Variants in SPATS2 observed in about 807,000 individuals in gnomAD.
The protein encoded by SPATS2 is spermatogenesis associated serine rich 2, also known as spermatogenesis-associated serine-rich protein 2.
A neutral mutation model predicts 63.7 loss-of-function variants in SPATS2; 38 were observed. The observed-to-expected ratio is 0.60, with a 90% CI of 0.46 to 0.78. The LOEUF is 0.78. SPATS2 is among the 30% of genes least tolerant of loss of function. SPATS2 has a pLI of 0.00. For synonymous variants in SPATS2, 207 were observed against 232.9 expected, an observed-to-expected ratio of 0.89 and a Z score of 1.01; for missense variants, 588 against 666.2, an observed-to-expected ratio of 0.88 and a Z score of 1.29.
chr12:49,370,390 G>A (rs1248088267), intron 1 of SPATS2, among the ~76,000 whole-genome samples: 4 of 152,144 alleles, frequency 2.6e-5, no homozygotes, highest in Non-Finnish European at 5.9e-5. Context: ...ATTGGAAACT[G>A]GAAGGAAAAG....
At chr12:49,513,052 C>A in intron 9 of SPATS2, 1 of 560,392 alleles carries the variant, frequency 1.8e-6, no homozygotes, top group Non-Finnish European at 2.8e-6. Context: ...ATTATCAAAC[C>A]TATGTTCTCT....
chr12:49,405,419 T>C (rs114973449), intron 2 of SPATS2, among the ~76,000 whole-genome samples: 2,247 of 152,274 alleles, frequency 0.015, 58 homozygotes, highest in African/African-American at 0.052. Context: ...GAGCTTGGGC[T>C]GGGCACCGTG....
At chr12:49,393,993 C>A (rs908259287) in intron 2 of SPATS2, among the ~76,000 whole-genome samples, 15 of 152,154 alleles carry the variant, frequency 9.9e-5, no homozygotes, top group Non-Finnish European at 2.2e-4. Context: ...AGCCCTACAA[C>A]TTCTTTTTCA....
At chr12:49,408,226 C>T (rs1311124980) in intron 2 of SPATS2, among the ~76,000 whole-genome samples, 5 of 151,798 alleles carry the variant, frequency 3.3e-5, no homozygotes, top group African/African-American at 1.2e-4. Flanking sequence ...GAAGGCCACA[C>T]CTAATTTGGA....
chr12:49,467,618 T>A (rs188820104), intron 3 of SPATS2, among the ~76,000 whole-genome samples: 42 of 152,372 alleles, frequency 2.8e-4, no homozygotes, highest in African/African-American at 7.7e-4. Flanking sequence ...TTTTCTCCTG[T>A]ATCTGACTAT....
intron 13 of SPATS2, 85 bp downstream of exon 13, chr12:49,524,981 C>T: frequency 7.5e-7 from 1 of 1,329,912 alleles, no homozygotes; most frequent in Non-Finnish European, 1.0e-6. Context: ...AGTATATTAT[C>T]TTCCTCTCTA....
intron 2 of SPATS2, among the ~76,000 whole-genome samples, chr12:49,410,882 A>G (rs1047830315): frequency 2.6e-5 from 4 of 151,480 alleles, no homozygotes; most frequent in Admixed American, 1.3e-4. Context: ...TCAAATATCT[A>G]TTCTTTAATG....
intron 2 of SPATS2, among the ~76,000 whole-genome samples, chr12:49,447,089 C>T (rs777913281): frequency 8.7e-5 from 13 of 149,332 alleles, no homozygotes; most frequent in South Asian, 4.2e-4. Context: ...CCACCATGCC[C>T]GGCTAAGTTT....
At chr12:49,494,569 A>G (rs1341693143) in intron 6 of SPATS2, among the ~76,000 whole-genome samples, 172 bp from the exon 7 acceptor site, 1 of 152,168 alleles carries the variant, frequency 6.6e-6, no homozygotes, top group Non-Finnish European at 1.5e-5. Flanking sequence ...TTCACATAGT[A>G]AAATTTTATT....
intron 2 of SPATS2, among the ~76,000 whole-genome samples, chr12:49,420,623 G>T (rs993308285): frequency 6.6e-6 from 1 of 152,094 alleles, no homozygotes; most frequent in Non-Finnish European, 1.5e-5. Flanking sequence ...ATGAACACAT[G>T]TAAAAGATGT....
rs531378354 is a variant in SPATS2 at position 49,433,284 on chromosome 12, T to A, written c.-243-27486T>A. 1.5e-3 allele frequency among the ~76,000 whole-genome samples: 230 copies of A among 152,292 alleles called. 1 individual carries two copies. The Middle Eastern group carries it at 0.017, about 11-fold the overall frequency. ...TTCAAGCGATTCTCCTGCTTCAGGC[T>A]CCCGAGTAGCTGGGACTACAGGTGT... On this transcript the variant is annotated intron_variant, in intron 2 of 13. Transcript: ENST00000552918.
At chr12:49,436,714 G>A (rs1467876582) in intron 2 of SPATS2, among the ~76,000 whole-genome samples, 1 of 144,512 alleles carries the variant, frequency 6.9e-6, no homozygotes, top group African/African-American at 2.6e-5. Flanking sequence ...CCCGGATGGG[G>A]CGGCTGGCCG....
rs1042985233 is a variant in SPATS2, at chr12:49,446,490, G to A, written c.-243-14280G>A. ...TGTTGGCAGAATGCAGTTCCATGTG[G>A]CTGTAGGACTGAGGTTCCCAGTTCC... On this transcript the variant is annotated intron_variant, in intron 2 of 13. Transcript: ENST00000552918. Among the ~76,000 whole-genome samples, 19 of 152,184 alleles carry A rather than the reference G, an allele frequency of 1.2e-4. 1 individual carries two copies. Among genetic ancestry groups the A allele is most frequent in the Non-Finnish European group, 4.4e-5 (3 of 68,028 alleles).
intron 2 of SPATS2, among the ~76,000 whole-genome samples, chr12:49,455,636 G>GT: frequency 6.6e-6 from 1 of 152,108 alleles, no homozygotes; most frequent in East Asian, 1.9e-4. Context: ...ATGTTTGTTT[G>GT]TTTGAGACAG....
In SPATS2 at chr12:49,447,007, C is replaced by A. The variant is rs185094179; in HGVS notation, c.-243-13763C>A. On this transcript the variant is annotated intron_variant, in intron 2 of 13. Coordinates refer to ENST00000552918, the MANE Select transcript of SPATS2 (RefSeq NM_023071.4). ...GCAATGGCACGATCTCGGCTCACTG[C>A]AACCTCCGCCTCCTGGGTTCAAGCA... is the stretch of plus-strand genomic sequence containing the variant. Among the ~76,000 whole-genome samples, 285 of 151,944 alleles carry A rather than the reference C, an allele frequency of 1.9e-3. 1 individual carries two copies. Among genetic ancestry groups the A allele is most frequent in the Non-Finnish European group, 3.4e-3 (230 of 67,976 alleles).
chr12:49,429,415 A>G (rs1036772627), intron 2 of SPATS2, among the ~76,000 whole-genome samples: 1 of 152,114 alleles, frequency 6.6e-6, no homozygotes, highest in African/African-American at 2.4e-5. Context: ...ACTTAGAGAA[A>G]GGTTTCATAT....
intron 3 of SPATS2, 149 bp from the exon 4 acceptor site, chr12:49,484,441 T>A (rs1385739931): frequency 1.6e-6 from 1 of 612,292 alleles, no homozygotes; most frequent in Non-Finnish European, 2.9e-6. Flanking sequence ...AAGGCAGTTA[T>A]ATGTTATCTA....
chr12:49,371,774 G>A (rs1249714196), intron 2 of SPATS2, among the ~76,000 whole-genome samples: 2 of 151,998 alleles, frequency 1.3e-5, no homozygotes, highest in East Asian at 1.9e-4. Context: ...TGCTACACAC[G>A]TTTAAACAAC....
At chr12:49,492,423 T>C (rs749712186) in intron 6 of SPATS2, among the ~76,000 whole-genome samples, 8 of 151,676 alleles carry the variant, frequency 5.3e-5, no homozygotes, top group Non-Finnish European at 1.2e-4. Flanking sequence ...GGTTTCACCA[T>C]GTTGGCTAGG....
Sources: allele counts gnomAD v4.1 joint callset (sites outside exome capture counted in the v4.1 genomes callset), GRCh38; gene constraint gnomAD v4.1.1; transcripts MANE v1.5; gene names NCBI Gene and HGNC (gene_info 2026-07-23, HGNC 2026-07-21).